The following PRMT3 variants were observed in gnomAD, a reference collection of about 807,000 sequenced individuals.
PRMT3 encodes protein arginine N-methyltransferase 3.
Under a neutral mutation model 71.9 loss-of-function variants are expected in PRMT3, and 62 were observed. That is an observed-to-expected ratio of 0.86 (90% CI 0.70 to 1.07). The LOEUF (loss-of-function observed/expected upper bound fraction) is 1.07. PRMT3 is among the 50% of genes least tolerant of loss of function. The pLI is 0.00. For synonymous variants in PRMT3, 213 were observed against 220.4 expected (o/e 0.97, Z 0.30); for missense variants, 663 against 643.0 (o/e 1.03, Z -0.34).
intron 13 of PRMT3, among the ~76,000 whole-genome samples, chr11:20,474,842 C>A (rs544701171): frequency 1.3e-5 from 2 of 152,316 alleles, no homozygotes; most frequent in South Asian, 4.1e-4. Context: ...CAATTTATGT[C>A]TTTTATGCAG....
At chr11:20,494,341 A>G (rs1851284816) in intron 15 of PRMT3, 87 bp downstream of exon 15, 1 of 1,154,304 alleles carries the variant, frequency 8.7e-7, no homozygotes, top group Admixed American at 2.1e-5. Flanking sequence ...TTATGTGCAC[A>G]CTATATTTGT....
intron 5 of PRMT3, 55 bp downstream of exon 5, chr11:20,393,054 G>A (rs1046062096): frequency 8.3e-6 from 9 of 1,082,180 alleles, no homozygotes; most frequent in East Asian, 2.4e-5. Context: ...TTTGTTAACG[G>A]CAAAATGGAG....
intron 13 of PRMT3, among the ~76,000 whole-genome samples, chr11:20,469,415 G>A (rs534227053): frequency 1.1e-4 from 16 of 152,230 alleles, no homozygotes; most frequent in East Asian, 5.8e-4. Flanking sequence ...AGGTATGTTC[G>A]TTCATAATTC....
At chr11:20,416,825 C>T (rs533588460) in intron 9 of PRMT3, among the ~76,000 whole-genome samples, 31 of 152,136 alleles carry the variant, frequency 2.0e-4, no homozygotes, top group African/African-American at 7.0e-4. Flanking sequence ...CTTGGTAGTT[C>T]GTTTCTCATG....
At chr11:20,429,529 G>A (rs1849612382) in intron 10 of PRMT3, among the ~76,000 whole-genome samples, 1 of 152,222 alleles carries the variant, frequency 6.6e-6, no homozygotes, top group Non-Finnish European at 1.5e-5. Context: ...GCAGTCACTG[G>A]AGTCACTGGA....
chr11:20,479,460 G>T (rs907375257), intron 13 of PRMT3, among the ~76,000 whole-genome samples: 2 of 152,078 alleles, frequency 1.3e-5, no homozygotes, highest in African/African-American at 4.8e-5. Context: ...TAATACTAAA[G>T]AATTATTGAA....
intron 10 of PRMT3, among the ~76,000 whole-genome samples, chr11:20,432,577 C>T (rs754194529): frequency 1.3e-5 from 2 of 151,894 alleles, no homozygotes; most frequent in Non-Finnish European, 2.9e-5. Context: ...TATGTATACC[C>T]GGTAGTGTGA....
intron 10 of PRMT3, among the ~76,000 whole-genome samples, chr11:20,435,977 G>A (rs1392719963): frequency 6.6e-6 from 1 of 152,156 alleles, no homozygotes; most frequent in Non-Finnish European, 1.5e-5. Context: ...CATTTTTGGT[G>A]TGTTCCCTTC....
At chr11:20,450,848 AAT>A (rs1460506804) in intron 10 of PRMT3, among the ~76,000 whole-genome samples, 1 of 152,164 alleles carries the variant, frequency 6.6e-6, no homozygotes, top group Non-Finnish European at 1.5e-5. Flanking sequence ...GTGGTTAAAG[AAT>A]ATTATACTTA....
intron 9 of PRMT3, among the ~76,000 whole-genome samples, chr11:20,426,502 CATGTT>C (rs891240736): frequency 6.6e-6 from 1 of 152,126 alleles, no homozygotes; most frequent in African/African-American, 2.4e-5. Context: ...ACTTCATTGA[CATGTT>C]ATTCTTGATA....
At chr11:20,446,099 G>C (rs1850021337) in intron 10 of PRMT3, among the ~76,000 whole-genome samples, 1 of 152,116 alleles carries the variant, frequency 6.6e-6, no homozygotes, top group African/African-American at 2.4e-5. Flanking sequence ...ACAATTAGGA[G>C]TAGAGTTGCT....
At position 20,392,116 on chromosome 11, in the gene PRMT3, AT is replaced by A. The variant is rs1353088368; in HGVS notation, c.248-91del. The A allele has an allele frequency of 3.2e-6, 4 of 1,235,710 alleles. No homozygotes were observed. The African/African-American group carries it at 6.2e-5, about 19-fold the overall frequency. 76.5% of individuals were successfully genotyped at this position (1,235,710 alleles called of 1,614,324 possible). A position where few individuals can be genotyped will look rare whatever the true frequency, so the allele number is the denominator to read the frequency against. On this transcript the variant is annotated intron_variant, in intron 3 of 15. Coordinates refer to ENST00000331079, the MANE Select transcript of PRMT3 (RefSeq NM_005788.4). Reference sequence around the variant, plus strand: ...AAGTAGTAATTTAGAGGTCAGAATTATTTTATTGTTTAATCAGAGAAGGCTT... The same window carrying A: ...AAGTAGTAATTTAGAGGTCAGAATTATTTATTGTTTAATCAGAGAAGGCTT...
At position 20,467,186 on chromosome 11, in the gene PRMT3, T is replaced by C. The variant is rs544437469; in HGVS notation, c.1347+2640T>C. ...AGATAAAATATTTTAGTAGTTAGCA[T>C]TGAATGTTAACTCTTCTGACATTAT... On this transcript the variant is annotated intron_variant, in intron 13 of 15. Transcript: ENST00000331079. Among the ~76,000 whole-genome samples, 3 of 152,328 alleles carry C rather than the reference T, an allele frequency of 2.0e-5. No individual in the cohort carries two copies. In the East Asian group the frequency reaches 5.8e-4, roughly 29 times the overall value.
At chr11:20,404,242 T>G (rs1471763381) in intron 8 of PRMT3, among the ~76,000 whole-genome samples, 2 of 124,338 alleles carry the variant, frequency 1.6e-5, no homozygotes, top group East Asian at 2.3e-4. Context: ...TTTTTTTTTT[T>G]TTTTTTTTTT....
At chr11:20,419,715 C>T (rs1849384711) in intron 9 of PRMT3, among the ~76,000 whole-genome samples, 2 of 152,060 alleles carry the variant, frequency 1.3e-5, no homozygotes, top group African/African-American at 2.4e-5. Context: ...TTGTCCTGGT[C>T]CCATTCATTA....
chr11:20,433,214 A>G lies in PRMT3; in HGVS notation c.993+6349A>G, dbSNP rs567158017. Among the ~76,000 whole-genome samples, 232 of 151,758 alleles carry G rather than the reference A, an allele frequency of 1.5e-3. 1 individual carries two copies. The highest frequency in any genetic ancestry group is 5.2e-3 in the African/African-American group (217 of 41,346). On this transcript the variant is annotated intron_variant, in intron 10 of 15. Transcript: ENST00000331079. Reference sequence around the variant, plus strand: ...ACTCATCTCCCTTCTCCCAACCTCTACCCTCAAGTAGGCCCCAGTGTCTGT... The same window carrying G: ...ACTCATCTCCCTTCTCCCAACCTCTGCCCTCAAGTAGGCCCCAGTGTCTGT...
rs201611144 is a variant in PRMT3 at position 20,395,925 on chromosome 11, G to A, written c.523G>A (p.Ala175Thr). The A allele has an allele frequency of 3.2e-5, 52 of 1,613,882 alleles. No individual in the cohort carries two copies. In the South Asian group the frequency reaches 4.1e-4, roughly 13 times the overall value. ...AGCCAGGGCACTGTCTGCTGAAGCC[G>A]CATTGGCCAGAGCACGTGAGGATCT... ...MEARALSAEA[A>T]LARAREDLQK... The change falls in exon 6 of 16, where the codon GCA becomes ACA. Residue 175 changes from alanine (A) to threonine (T), a missense_variant. Coordinates refer to ENST00000331079, the MANE Select transcript of PRMT3 (RefSeq NM_005788.4).
At chr11:20,431,512 A>G (rs997626105) in intron 10 of PRMT3, among the ~76,000 whole-genome samples, 2 of 152,160 alleles carry the variant, frequency 1.3e-5, no homozygotes, top group Non-Finnish European at 2.9e-5. Context: ...GAGCTACTAC[A>G]CTAGCTAATT....
chr11:20,419,541 A>G lies in PRMT3; in HGVS notation c.894-7225A>G, dbSNP rs570529618. Among the ~76,000 whole-genome samples, 9 of 152,224 alleles carry G rather than the reference A, an allele frequency of 5.9e-5. 1 individual carries two copies. In the South Asian group the frequency reaches 1.9e-3, roughly 32 times the overall value. ...TTATTTATAGTTGCCACTGTTTGTG[A>G]GTTGAGTAAGGAATCTGTACCTTTT... On this transcript the variant is annotated intron_variant, in intron 9 of 15. Transcript: ENST00000331079.
Sources: gnomAD v4.1 joint callset for allele counts (sites outside exome capture counted in the v4.1 genomes callset) on GRCh38, gnomAD v4.1.1 for gene constraint, MANE v1.5 for transcripts, NCBI Gene and HGNC (gene_info 2026-07-23, HGNC 2026-07-21) for gene names.